Variants in ABCG5 observed in about 807,000 individuals in gnomAD.
ABCG5 encodes ATP binding cassette subfamily G member 5.
In ABCG5, 64 loss-of-function variants were observed where a neutral mutation model predicts 64.5. The observed-to-expected ratio is 0.99, with a 90% CI of 0.81 to 1.22. The LOEUF (loss-of-function observed/expected upper bound fraction) is 1.22. ABCG5 is among the 50% of genes most tolerant of loss of function. ABCG5 has a pLI of 0.00. For synonymous variants in ABCG5, 385 were observed against 326.3 expected (o/e 1.18, Z -1.94); for missense variants, 908 against 829.5 (o/e 1.09, Z -1.16).
intron 11 of ABCG5, among the ~76,000 whole-genome samples, chr2:43,815,180 C>T (rs1666736450): frequency 6.6e-6 from 1 of 152,122 alleles, no homozygotes; most frequent in Admixed American, 6.5e-5. Flanking sequence ...GAGACCGAAC[C>T]AACATTCATT....
In ABCG5 at chr2:43,819,478, AG is replaced by A. The variant is rs532730127; in HGVS notation, c.1649+436del. Among the ~76,000 whole-genome samples, 228 of 144,576 alleles carry A rather than the reference AG, an allele frequency of 1.6e-3. 1 individual carries two copies. The highest frequency in any genetic ancestry group is 5.9e-3 in the African/African-American group (213 of 36,082). The allele number at this position is 144,576 out of a possible 152,430, so 94.8% of individuals were successfully genotyped here. A position where few individuals can be genotyped will look rare whatever the true frequency, so the allele number is the denominator to read the frequency against. On this transcript the variant is annotated intron_variant, in intron 11 of 12. Coordinates refer to ENST00000405322, the MANE Select transcript of ABCG5 (RefSeq NM_022436.3). The stretch of plus-strand genomic sequence containing the variant: ...TCTTTGGAGCAGTCTTTTATCCTGC[AG>A]GCTTTTTTTTTTTTGTCTGACTAGT...
In ABCG5 at chr2:43,813,198, A is replaced by G; in HGVS notation, c.1874T>C (p.Leu625Pro). Reference sequence around the variant, plus strand: ...AGCTGGAATAAATGAATACAAAATCAGAAAGTTCATTGTGAATCTAGATGT... The same window carrying G: ...AGCTGGAATAAATGAATACAAAATCGGAAAGTTCATTGTGAATCTAGATGT... The part of the protein sequence containing the change: ...GATSRFTMNF[L>P]ILYSFIPALV... Residue 625 changes from leucine to proline, a missense_variant, in exon 13 of 13, where the codon CTG becomes CCG. By Grantham distance (98) the Leu-to-Pro change is moderately conservative (BLOSUM62 -3). Transcript: ENST00000405322. 10 of 1,603,284 alleles carry G rather than the reference A, an allele frequency of 6.2e-6. No individual in the cohort carries two copies. The highest frequency in any genetic ancestry group is 8.5e-6 in the Non-Finnish European group (10 of 1,170,266).
downstream of ABCG5, chr2:43,810,074 T>C (rs1302303541): frequency 1.6e-6 from 1 of 635,756 alleles, no homozygotes; most frequent in Non-Finnish European, 2.0e-6. Flanking sequence ...TTTTTAGGAA[T>C]ATAAAAGTAA....
intron 10 of ABCG5, among the ~76,000 whole-genome samples, chr2:43,822,041 T>C (rs1292572027): frequency 1.3e-5 from 2 of 152,166 alleles, no homozygotes; most frequent in Non-Finnish European, 2.9e-5. Context: ...CAATCTGATG[T>C]TTTTTGATGG....
intron 10 of ABCG5, chr2:43,822,569 G>C: frequency 1.0e-6 from 1 of 984,088 alleles, no homozygotes; most frequent in Non-Finnish European, 1.2e-6. Context: ...GTCATTCCCA[G>C]GCACATGTCA....
downstream of ABCG5, chr2:43,810,428 T>G: frequency 2.0e-6 from 2 of 985,406 alleles, no homozygotes; most frequent in Non-Finnish European, 2.4e-6. Context: ...AAACATCATG[T>G]GTTGCGGATA....
chr2:43,838,014 C>G lies in ABCG5; in HGVS notation c.144-59G>C. The stretch of plus-strand genomic sequence containing the variant: ...TTGGGGCCCTGGAAGGGGCCACACC[C>G]AGGTCCCCAGCATTGATCCTACCTG... On this transcript the variant is annotated intron_variant, in intron 1 of 12. Coordinates refer to ENST00000405322, the MANE Select transcript of ABCG5 (RefSeq NM_022436.3). The surrounding 1 kb of genome is among the most constrained non-coding windows in gnomAD (Gnocchi z 4.2). The G allele has an allele frequency of 6.2e-7, 1 of 1,610,520 alleles. No homozygotes were observed. Among genetic ancestry groups the G allele is most frequent in the Non-Finnish European group, 8.5e-7 (1 of 1,178,190 alleles).
chr2:43,819,861 G>A, intron 11 of ABCG5, 54 bp downstream of exon 11: 1 of 1,567,640 alleles, frequency 6.4e-7, no homozygotes, highest in Non-Finnish European at 8.8e-7. Context: ...ATTATTAGGT[G>A]ATCATTAATA....
At chr2:43,819,059 G>C (rs991935817) in intron 11 of ABCG5, among the ~76,000 whole-genome samples, 5 of 152,118 alleles carry the variant, frequency 3.3e-5, no homozygotes, top group Admixed American at 6.6e-5. Flanking sequence ...ATTGCTCTGA[G>C]AGTTAAATAA....
Position 43,814,515 on chromosome 2 carries a change from A to C in ABCG5, c.1724T>G (p.Leu575Arg), listed in dbSNP as rs575657776. 24 of 1,609,338 alleles carry C rather than the reference A, an allele frequency of 1.5e-5. No individual in the cohort carries two copies. In the South Asian group the frequency reaches 2.4e-4, roughly 16 times the overall value. The change falls in exon 12 of 13, where the codon CTT becomes CGT. Residue 575 changes from leucine (L) to arginine (R), a missense_variant. By Grantham distance (102) the Leu-to-Arg change is moderately radical. Coordinates refer to ENST00000405322, the MANE Select transcript of ABCG5 (RefSeq NM_022436.3). Reference protein sequence around the residue: ...FTFQKYCSEILVVNEFYGLNF... With the variant: ...FTFQKYCSEIRVVNEFYGLNF... ...CAGTCCGTAGAACTCATTGACTACA[A>C]GAATCTCACTGCAATATTTTTGGAA...
At chr2:43,820,777 C>G (rs899672565) in intron 10 of ABCG5, among the ~76,000 whole-genome samples, 1 of 152,152 alleles carries the variant, frequency 6.6e-6, no homozygotes, top group African/African-American at 2.4e-5. Context: ...CCTCAGCCTC[C>G]CAAGTAGCTG....
At chr2:43,810,045 A>G, downstream of ABCG5, 1 of 810,262 alleles carries the variant, frequency 1.2e-6, no homozygotes, top group Non-Finnish European at 1.6e-6. Flanking sequence ...TTCAGCATGT[A>G]TAAGTTTCTG....
rs74730151 is a variant in ABCG5 at position 43,815,139 on chromosome 2, C to G, written c.1650-550G>C. On this transcript the variant is annotated intron_variant, in intron 11 of 12. Coordinates refer to ENST00000405322, the MANE Select transcript of ABCG5 (RefSeq NM_022436.3). The stretch of plus-strand genomic sequence containing the variant: ...AAGGTACCAACGTAGAAAGTTAGAA[C>G]TAACCTAGAATACAAAGGAAAAAGG... Among the ~76,000 whole-genome samples, 1,319 of 152,292 alleles carry G rather than the reference C, an allele frequency of 8.7e-3. 25 individuals are homozygous for G. The highest frequency in any genetic ancestry group is 0.03 in the African/African-American group (1,258 of 41,560).
At position 43,838,352 on chromosome 2, in the gene ABCG5, G is replaced by A; in HGVS notation, c.143+185C>T. 1 of 644,634 alleles carries A rather than the reference G, an allele frequency of 1.6e-6. No homozygotes were observed. The allele number at this position is 644,634 out of a possible 1,614,324, so 39.9% of individuals were successfully genotyped here. ...GGCCCTTCCCTGGGCAGGGGGAGGG[G>A]CCATTCACTGTCGCTCCATGTTTCC... On this transcript the variant is annotated intron_variant, in intron 1 of 12. Transcript: ENST00000405322. This position sits in a 1 kb window ranked among gnomAD's most constrained non-coding sequence, Gnocchi z 4.2.
chr2:43,822,668 A>T (rs1457731402), intron 10 of ABCG5, 129 bp downstream of exon 10: 2 of 1,556,444 alleles, frequency 1.3e-6, no homozygotes, highest in African/African-American at 2.7e-5. Context: ...ACATTGCACT[A>T]GACACTGATG....
chr2:43,822,479 C>CCA, intron 10 of ABCG5: 13 of 668,682 alleles, frequency 1.9e-5, no homozygotes, highest in Non-Finnish European at 2.4e-5. Flanking sequence ...CTCCCCCAGG[C>CCA]CCCCCCCCAT....
At chr2:43,807,850 T>G (rs1666326426), downstream of ABCG5, among the ~76,000 whole-genome samples, 1 of 151,930 alleles carries the variant, frequency 6.6e-6, no homozygotes, top group Non-Finnish European at 1.5e-5. Context: ...TTGCTATCCC[T>G]TTAAAACATC....
At chr2:43,831,233 T>A (rs1667928809) in intron 4 of ABCG5, among the ~76,000 whole-genome samples, 3 of 152,182 alleles carry the variant, frequency 2.0e-5, no homozygotes, top group African/African-American at 2.4e-5. Flanking sequence ...AGTGCAATGG[T>A]GCAATCATGG....
intron 4 of ABCG5, 113 bp downstream of exon 4, chr2:43,831,656 T>G (rs1667952099): frequency 1.8e-6 from 2 of 1,092,728 alleles, no homozygotes; most frequent in African/African-American, 1.6e-5. Flanking sequence ...CGCTCTAGAG[T>G]GAAGGAGTGA....
Sources: allele counts gnomAD v4.1 joint callset (sites outside exome capture counted in the v4.1 genomes callset), GRCh38; gene constraint gnomAD v4.1.1; non-coding constraint Gnocchi (gnomAD v3.1); transcripts MANE v1.5; gene names NCBI Gene and HGNC (gene_info 2026-07-23, HGNC 2026-07-21).